The following SVIL variants were observed in gnomAD, a reference collection of about 807,000 sequenced individuals.
The protein encoded by SVIL is supervillin, also known as archvillin.
SVIL carries 101 observed loss-of-function variants against 240.4 expected under a neutral mutation model. The observed-to-expected ratio is 0.42, with a 90% CI of 0.36 to 0.50. The LOEUF (loss-of-function observed/expected upper bound fraction) is 0.50, where lower values mean the gene tolerates loss of function less well. Ranked by LOEUF, SVIL falls within the 20% of genes least tolerant of loss-of-function variation. The pLI, the probability that SVIL is intolerant of heterozygous loss-of-function variation, is 0.01. For synonymous variants in SVIL, 999 were observed against 1,100.0 expected, an observed-to-expected ratio of 0.91 and a Z score of 1.82; for missense variants, 2,512 against 2,818.7, an observed-to-expected ratio of 0.89 and a Z score of 2.46.
intron 1 of SVIL, among the ~76,000 whole-genome samples, chr10:29,714,455 A>C (rs1963494348): frequency 6.6e-6 from 1 of 152,176 alleles, no homozygotes; most frequent in Non-Finnish European, 1.5e-5. Flanking sequence ...GCAATAGAAA[A>C]AAATAGAAAA....
At chr10:29,655,980 C>T (rs1389103477) in intron 3 of SVIL, among the ~76,000 whole-genome samples, 2 of 150,656 alleles carry the variant, frequency 1.3e-5, no homozygotes, top group African/African-American at 4.9e-5. Context: ...AGGTGCTTCT[C>T]CTGCCTCAGC....
chr10:29,618,066 G>A (rs1957493856), intron 1 of SVIL, among the ~76,000 whole-genome samples: 1 of 152,204 alleles, frequency 6.6e-6, no homozygotes, highest in Non-Finnish European at 1.5e-5. Flanking sequence ...CGCTGACACA[G>A]GCAGGAGACC....
Position 29,523,820 on chromosome 10 carries a change from G to C in SVIL, c.2794C>G (p.Gln932Glu), listed in dbSNP as rs765797553. 5 of 1,614,074 alleles carry C rather than the reference G, an allele frequency of 3.1e-6. No homozygotes were observed. Among genetic ancestry groups the C allele is most frequent in the Admixed American group, 1.7e-5 (1 of 60,008 alleles). Residue 932 changes from glutamine (Q) to glutamate (E), a missense_variant, in exon 15 of 38, where the codon CAG (glutamine) becomes GAG (glutamate). Physicochemically the swap from Gln to Glu is conservative, Grantham distance 29. This residue lies in a region of SVIL where 1,443 missense variants were observed against 1,486.6 expected (regional missense o/e 0.97). Coordinates refer to ENST00000355867, the MANE Select transcript of SVIL (RefSeq NM_021738.3). ...VRSILKSQAW[Q>E]PLVEGSENKG... ...TTCTCGCTACCCTCTACCAAAGGCTGCCAAGCTTGCGATTTCAGAATGCTT... is the reference window on the plus strand; with the variant it reads ...TTCTCGCTACCCTCTACCAAAGGCTCCCAAGCTTGCGATTTCAGAATGCTT...
intron 3 of SVIL, among the ~76,000 whole-genome samples, chr10:29,562,769 GAAAAAAAAAAAA>G (rs34507610): frequency 1.7e-5 from 2 of 115,752 alleles, no homozygotes; most frequent in East Asian, 2.6e-4. Context: ...TCAAAAAAAA[GAAAAAAAAAAAA>G]AAAAAAAAAA....
chr10:29,677,560 A>G (rs1346742305), intron 2 of SVIL, among the ~76,000 whole-genome samples: 2 of 152,102 alleles, frequency 1.3e-5, no homozygotes, highest in African/African-American at 4.8e-5. Context: ...AGTAGCTGGG[A>G]CTATAGCTGT....
At chr10:29,563,166 C>T (rs1317087240) in intron 3 of SVIL, 35 bp downstream of exon 3, 4 of 796,130 alleles carry the variant, frequency 5.0e-6, no homozygotes, top group Middle Eastern at 6.3e-4. Flanking sequence ...TACGCATCTA[C>T]CCAGACATGG....
intron 36 of SVIL, among the ~76,000 whole-genome samples, chr10:29,461,825 C>T (rs1288017079): frequency 5.9e-5 from 9 of 152,156 alleles, no homozygotes; most frequent in Non-Finnish European, 1.3e-4. Context: ...AGTCGCAGCA[C>T]CTCCATTCAT....
chr10:29,726,911 CACA>C (rs1015908614), intron 1 of SVIL, among the ~76,000 whole-genome samples: 1 of 152,130 alleles, frequency 6.6e-6, no homozygotes, highest in Non-Finnish European at 1.5e-5. Flanking sequence ...GTGCTTCCAT[CACA>C]ACACCTATGC....
intron 1 of SVIL, among the ~76,000 whole-genome samples, chr10:29,714,858 G>A (rs1349473369): frequency 6.6e-6 from 1 of 151,292 alleles, no homozygotes; most frequent in Non-Finnish European, 1.5e-5. Flanking sequence ...TACTCAGGAG[G>A]CTGAGGTGGG....
chr10:29,697,569 G>C (rs947050734), intron 1 of SVIL, among the ~76,000 whole-genome samples: 1 of 116,406 alleles, frequency 8.6e-6, no homozygotes, highest in African/African-American at 3.9e-5. Context: ...GGGTTAAATG[G>C]ATTAAGGGCG....
intron 1 of SVIL, among the ~76,000 whole-genome samples, chr10:29,588,627 C>T (rs1180924680): frequency 2.0e-5 from 3 of 152,136 alleles, no homozygotes; most frequent in South Asian, 4.1e-4. Flanking sequence ...TCTGACAGAG[C>T]GTGAAAGGAA....
chr10:29,606,971 C>T (rs1273310278), intron 1 of SVIL, among the ~76,000 whole-genome samples: 3 of 152,144 alleles, frequency 2.0e-5, no homozygotes, highest in East Asian at 3.9e-4. Context: ...GCCAGGCTGG[C>T]CTCAAACTCC....
At position 29,480,773 on chromosome 10, in the gene SVIL, C is replaced by T. The variant is rs777835554; in HGVS notation, c.5141G>A (p.Arg1714Gln). 21 of 1,613,106 alleles carry T rather than the reference C, an allele frequency of 1.3e-5. No homozygotes were observed. Among genetic ancestry groups the T allele is most frequent in the East Asian group, 8.9e-5 (4 of 44,888 alleles). ...TGTCGTCTGGGGCATGGACACCATC[C>T]GTGTCACATCGTATGCCTTGACATC... ...RTDVKAYDVT[R>Q]MVSMPQTTAG... Residue 1714 changes from arginine to glutamine, a missense_variant, in exon 29 of 38, where the codon CGG becomes CAG. Transcript: ENST00000355867.
At chr10:29,466,390 G>A (rs182810481) in intron 33 of SVIL, among the ~76,000 whole-genome samples, 2 of 152,200 alleles carry the variant, frequency 1.3e-5, no homozygotes, top group East Asian at 3.9e-4. Flanking sequence ...ATAATATGCT[G>A]AATTTATGAT....
chr10:29,462,914 A>G (rs1015919615), intron 35 of SVIL, among the ~76,000 whole-genome samples: 20 of 140,026 alleles, frequency 1.4e-4, no homozygotes, highest in African/African-American at 5.0e-4. Context: ...TGTGTCAATG[A>G]AACCATAAAA....
intron 1 of SVIL, chr10:29,602,262 A>C (rs1956839790): frequency 1.9e-6 from 1 of 533,328 alleles, no homozygotes; most frequent in African/African-American, 1.9e-5. Context: ...TTAAGTGTTC[A>C]TGAAGGCATA....
rs895808191 is a variant in SVIL, at chr10:29,728,316, C to T, written c.-400+7435G>A. 2.0e-5 allele frequency among the ~76,000 whole-genome samples: 3 copies of T among 152,192 alleles called. No individual in the cohort carries two copies. In the South Asian group the frequency reaches 6.2e-4, roughly 32 times the overall value. ...TTCAGTTACTTTCAAGGTACTGCCA[C>T]GGGCAAGGAAAGCCAAAATAAATTT... On this transcript the variant is annotated intron_variant, in intron 1 of 35. Transcript: ENST00000375400.
intron 6 of SVIL, 62 bp from the exon 7 acceptor site, chr10:29,536,131 T>C: frequency 6.7e-7 from 1 of 1,494,240 alleles, no homozygotes; most frequent in Non-Finnish European, 9.3e-7. Flanking sequence ...ATACACAGAC[T>C]TTACCATAAC....
At chr10:29,736,455 G>C (rs1964905297), upstream of SVIL, among the ~76,000 whole-genome samples, 1 of 152,188 alleles carries the variant, frequency 6.6e-6, no homozygotes, top group South Asian at 2.1e-4. Flanking sequence ...GGGGCTGGAG[G>C]CCAGGGCCGC....
Sources: allele counts gnomAD v4.1 joint callset (sites outside exome capture counted in the v4.1 genomes callset), GRCh38; gene constraint gnomAD v4.1.1; regional missense constraint gnomAD v4.1.1; transcripts MANE v1.5; gene names NCBI Gene and HGNC (gene_info 2026-07-23, HGNC 2026-07-21).